The following SNX29 variants were observed in gnomAD, a reference collection of about 807,000 sequenced individuals.
SNX29 encodes sorting nexin-29.
A neutral mutation model predicts 102.1 loss-of-function variants in SNX29; 78 were observed. The ratio of observed to expected loss-of-function variants is 0.76; its 90% CI spans 0.64 to 0.92. The LOEUF is 0.92. SNX29 is among the 40% of genes least tolerant of loss of function. The pLI is 0.00. For synonymous variants in SNX29, 580 were observed against 414.5 expected (o/e 1.40, Z -4.85); for missense variants, 1,280 against 1,061.7 (o/e 1.21, Z -2.86).
At chr16:12,074,236 T>G (rs893705541) in intron 10 of SNX29, among the ~76,000 whole-genome samples, 1 of 152,062 alleles carries the variant, frequency 6.6e-6, no homozygotes, top group Non-Finnish European at 1.5e-5. Context: ...TTATTTTGCT[T>G]GTTAGTTGAT....
intron 3 of SNX29, among the ~76,000 whole-genome samples, chr16:12,022,747 C>T (rs895399255): frequency 1.3e-5 from 2 of 152,042 alleles, no homozygotes. Flanking sequence ...TAAATTGAAC[C>T]ATGGTTATGT....
At chr16:12,172,876 G>A (rs1191020668) in intron 13 of SNX29, among the ~76,000 whole-genome samples, 1 of 152,218 alleles carries the variant, frequency 6.6e-6, no homozygotes, top group Non-Finnish European at 1.5e-5. Flanking sequence ...TCAGCTTTGT[G>A]GGCCGTATGG....
At chr16:12,387,906 C>G (rs1020755405) in intron 16 of SNX29, among the ~76,000 whole-genome samples, 1 of 152,150 alleles carries the variant, frequency 6.6e-6, no homozygotes, top group African/African-American at 2.4e-5. Flanking sequence ...TAAGGAAGAA[C>G]CCTGGAAGAA....
At chr16:12,291,346 G>A (rs975880872) in intron 15 of SNX29, among the ~76,000 whole-genome samples, 4 of 152,222 alleles carry the variant, frequency 2.6e-5, no homozygotes, top group African/African-American at 7.2e-5. Flanking sequence ...AAGAGAAAGA[G>A]CTTGTGCAGC....
intron 19 of SNX29, among the ~76,000 whole-genome samples, chr16:12,522,233 C>G (rs1355565901): frequency 6.6e-6 from 1 of 152,202 alleles, no homozygotes; most frequent in Non-Finnish European, 1.5e-5. Flanking sequence ...TTGTATAGAA[C>G]ATACTTTTTG....
At chr16:12,188,547 G>C (rs2076568625) in intron 13 of SNX29, among the ~76,000 whole-genome samples, 1 of 152,132 alleles carries the variant, frequency 6.6e-6, no homozygotes, top group Non-Finnish European at 1.5e-5. Context: ...TTTTGGGTGT[G>C]TGTCATCTGT....
At chr16:12,516,542 G>C (rs1381990018) in intron 19 of SNX29, among the ~76,000 whole-genome samples, 1 of 151,332 alleles carries the variant, frequency 6.6e-6, no homozygotes, top group Non-Finnish European at 1.5e-5. Flanking sequence ...CTTGTTGCTG[G>C]AGTCCTTAGT....
At position 12,299,324 on chromosome 16, in the gene SNX29, G is replaced by A. The variant is rs150444774; in HGVS notation, c.1782+21288G>A. Among the ~76,000 whole-genome samples, 183 of 152,252 alleles carry A rather than the reference G, an allele frequency of 1.2e-3. 3 individuals are homozygous for A. Among genetic ancestry groups the A allele is most frequent in the Middle Eastern group, 6.8e-3 (2 of 294 alleles). On this transcript the variant is annotated intron_variant, in intron 15 of 20. Coordinates refer to ENST00000566228, the MANE Select transcript of SNX29 (RefSeq NM_032167.5). ...CAAAAAAAAAAAATTACAAATTTATGTATTTAAGCCTATTTGATGTTTTCC... is the reference window on the plus strand; with the variant it reads ...CAAAAAAAAAAAATTACAAATTTATATATTTAAGCCTATTTGATGTTTTCC...
In SNX29 at chr16:12,570,050, G is replaced by C. The variant is rs555209015; in HGVS notation, c.*1421G>C. On this transcript the variant is annotated 3_prime_UTR_variant, in exon 21 of 21. Coordinates refer to ENST00000566228, the MANE Select transcript of SNX29 (RefSeq NM_032167.5). The stretch of plus-strand genomic sequence containing the variant: ...GCATGGAGCATCTCCTAGGCTCGAG[G>C]ACATCTCTGGAGAATCATCTGGAAG... 1.9e-6 allele frequency: 1 copy of C among 518,636 alleles called. No individual in the cohort carries two copies. The highest frequency in any genetic ancestry group is 8.8e-5 in the South Asian group (1 of 11,354). 32.1% of individuals were successfully genotyped at this position (518,636 alleles called of 1,614,324 possible). A position where few individuals can be genotyped will look rare whatever the true frequency, so the allele number is the denominator to read the frequency against.
chr16:12,547,721 A>T (rs8062271), intron 20 of SNX29, among the ~76,000 whole-genome samples: 39,299 of 151,900 alleles, frequency 0.26, 5,846 homozygotes, highest in East Asian at 0.53. Context: ...ATAGCATGGC[A>T]CCCATCACTG....
chr16:12,301,296 C>T (rs2080166053), intron 15 of SNX29, among the ~76,000 whole-genome samples: 1 of 152,238 alleles, frequency 6.6e-6, no homozygotes. Flanking sequence ...CAAATCCGCC[C>T]ACGCTCTGGC....
At chr16:12,280,091 G>C (rs1216901445) in intron 15 of SNX29, among the ~76,000 whole-genome samples, 1 of 152,224 alleles carries the variant, frequency 6.6e-6, no homozygotes, top group African/African-American at 2.4e-5. Context: ...GACCCTCTGA[G>C]CCAAGTGCCA....
chr16:12,290,954 G>A (rs555195043), intron 15 of SNX29, among the ~76,000 whole-genome samples: 9 of 152,050 alleles, frequency 5.9e-5, no homozygotes, highest in Non-Finnish European at 1.3e-4. Flanking sequence ...ATCCACTATA[G>A]ACTTTTTAAG....
chr16:12,168,943 G>T (rs753986773), intron 13 of SNX29, among the ~76,000 whole-genome samples: 2 of 152,160 alleles, frequency 1.3e-5, no homozygotes, highest in Non-Finnish European at 2.9e-5. Flanking sequence ...GAGGAGGGTG[G>T]TGGTCCCCTT....
At chr16:12,556,324 C>G (rs186618680) in intron 20 of SNX29, 2 of 152,312 alleles carry the variant, frequency 1.3e-5, no homozygotes, top group East Asian at 1.9e-4. Flanking sequence ...ACGAGCTAGA[C>G]CAGGACAGAC....
chr16:12,157,828 C>T (rs1053457509), intron 13 of SNX29, among the ~76,000 whole-genome samples: 1 of 152,140 alleles, frequency 6.6e-6, no homozygotes, highest in Non-Finnish European at 1.5e-5. Flanking sequence ...GCCCTTTGTG[C>T]CTCTGGGCCT....
intron 19 of SNX29, among the ~76,000 whole-genome samples, chr16:12,521,249 A>G (rs1034104931): frequency 6.6e-6 from 1 of 152,156 alleles, no homozygotes; most frequent in East Asian, 1.9e-4. Context: ...ACCCGCAAAA[A>G]TTATTGAAAG....
rs1469959120 is a variant in SNX29, at chr16:12,462,010, T to C, written c.2038-15709T>C. On this transcript the variant is annotated intron_variant, in intron 18 of 20. Coordinates refer to ENST00000566228, the MANE Select transcript of SNX29 (RefSeq NM_032167.5). The stretch of plus-strand genomic sequence containing the variant: ...ATATATATATATATATATATATATA[T>C]ATGTATACACACACACACACACACA... 7.7e-3 allele frequency among the ~76,000 whole-genome samples: 521 copies of C among 67,900 alleles called. 4 individuals carry two copies. The highest frequency in any genetic ancestry group is 0.038 in the African/African-American group (430 of 11,374). 44.5% of individuals were successfully genotyped at this position (67,900 alleles called of 152,430 possible).
chr16:12,421,275 A>G (rs1278173633), intron 18 of SNX29, among the ~76,000 whole-genome samples: 1 of 152,190 alleles, frequency 6.6e-6, no homozygotes, highest in African/African-American at 2.4e-5. Context: ...TACTCCTAAG[A>G]GCCAAGGAGG....
Sources: gnomAD v4.1 joint callset for allele counts (sites outside exome capture counted in the v4.1 genomes callset) on GRCh38, gnomAD v4.1.1 for gene constraint, MANE v1.5 for transcripts, NCBI Gene and HGNC (gene_info 2026-07-23, HGNC 2026-07-21) for gene names.